Variants in LRRTM4 observed in about 807,000 individuals in gnomAD.
LRRTM4 encodes leucine rich repeat transmembrane neuronal 4.
LRRTM4 carries 25 observed loss-of-function variants against 47.6 expected under a neutral mutation model. The ratio of observed to expected loss-of-function variants is 0.53; its 90% CI spans 0.38 to 0.73. LRRTM4 has a LOEUF of 0.73. Among genes scored for constraint, LRRTM4 ranks in the 30% least tolerant of loss-of-function variants. The pLI, the probability that LRRTM4 is intolerant of heterozygous loss-of-function variation, is 0.00. For synonymous variants in LRRTM4, 311 were observed against 269.5 expected (o/e 1.15, Z -1.51); for missense variants, 638 against 713.4 (o/e 0.89, Z 1.20).
At chr2:77,201,265 T>G (rs183289288) in intron 3 of LRRTM4, among the ~76,000 whole-genome samples, 1 of 152,186 alleles carries the variant, frequency 6.6e-6, no homozygotes, top group Non-Finnish European at 1.5e-5. Flanking sequence ...CTGCAAAGTA[T>G]ATTTTATAAT....
chr2:77,385,487 G>A (rs1673224446), intron 3 of LRRTM4, among the ~76,000 whole-genome samples: 1 of 152,088 alleles, frequency 6.6e-6, no homozygotes. Context: ...AATTAACCCA[G>A]TCACTGACTA....
intron 3 of LRRTM4, among the ~76,000 whole-genome samples, chr2:77,183,101 A>G (rs959466224): frequency 1.3e-5 from 2 of 152,122 alleles, no homozygotes; most frequent in African/African-American, 4.8e-5. Flanking sequence ...AATTAAACTA[A>G]AGAGCTTCTG....
intron 3 of LRRTM4, among the ~76,000 whole-genome samples, chr2:77,046,014 C>T (rs907593934): frequency 6.6e-6 from 1 of 151,848 alleles, no homozygotes; most frequent in Non-Finnish European, 1.5e-5. Flanking sequence ...TATTAACTTG[C>T]TAGAGAAACC....
At chr2:76,871,711 G>A (rs1672628986) in intron 3 of LRRTM4, among the ~76,000 whole-genome samples, 1 of 152,154 alleles carries the variant, frequency 6.6e-6, no homozygotes, top group African/African-American at 2.4e-5. Flanking sequence ...CTGTGTTGCT[G>A]TATTACATAC....
At chr2:77,033,194 T>A (rs1678721345) in intron 3 of LRRTM4, among the ~76,000 whole-genome samples, 1 of 152,040 alleles carries the variant, frequency 6.6e-6, no homozygotes, top group South Asian at 2.1e-4. Context: ...GATTGTAATC[T>A]ATTCAGTATT....
At chr2:76,915,805 A>G (rs1674222932) in intron 3 of LRRTM4, among the ~76,000 whole-genome samples, 2 of 152,196 alleles carry the variant, frequency 1.3e-5, no homozygotes, top group South Asian at 4.1e-4. Context: ...AAGAAAGTGA[A>G]GAAAATTATA....
chr2:77,012,714 T>G (rs1221524251), intron 3 of LRRTM4, among the ~76,000 whole-genome samples: 1 of 152,172 alleles, frequency 6.6e-6, no homozygotes, highest in African/African-American at 2.4e-5. Context: ...ACTCTGTGAT[T>G]ATGCAGCAAT....
At chr2:77,308,501 CAT>C (rs1677353536) in intron 3 of LRRTM4, among the ~76,000 whole-genome samples, 1 of 152,028 alleles carries the variant, frequency 6.6e-6, no homozygotes, top group South Asian at 2.1e-4. Context: ...TTTCTTTCCT[CAT>C]GTGAGTTTTG....
At chr2:77,059,136 A>C (rs1428202782) in intron 3 of LRRTM4, among the ~76,000 whole-genome samples, 1 of 152,128 alleles carries the variant, frequency 6.6e-6, no homozygotes, top group Non-Finnish European at 1.5e-5. Flanking sequence ...TCTGTAGCTA[A>C]ATTTATTCTT....
At chr2:77,313,521 G>GT (rs1677533118) in intron 3 of LRRTM4, among the ~76,000 whole-genome samples, 1 of 141,328 alleles carries the variant, frequency 7.1e-6, no homozygotes, top group South Asian at 2.3e-4. Context: ...TCCTCCCTAC[G>GT]TTTTCCTGGG....
At chr2:76,973,203 A>G (rs1410192804) in intron 3 of LRRTM4, among the ~76,000 whole-genome samples, 2 of 152,016 alleles carry the variant, frequency 1.3e-5, no homozygotes, top group South Asian at 2.1e-4. Flanking sequence ...CTGAATTACC[A>G]TGATTAGAAT....
intron 3 of LRRTM4, among the ~76,000 whole-genome samples, chr2:76,981,593 C>T (rs1345809420): frequency 6.6e-6 from 1 of 151,988 alleles, no homozygotes; most frequent in East Asian, 1.9e-4. Context: ...CTCCTGGGCT[C>T]AAGGCACCTC....
chr2:76,818,490 A>G (rs1670963361), intron 3 of LRRTM4, among the ~76,000 whole-genome samples: 1 of 151,902 alleles, frequency 6.6e-6, no homozygotes, highest in Non-Finnish European at 1.5e-5. Context: ...TCCTGGAGTG[A>G]GCAAATGCTT....
At chr2:77,245,458 C>T (rs1033707201) in intron 3 of LRRTM4, among the ~76,000 whole-genome samples, 19 of 141,286 alleles carry the variant, frequency 1.3e-4, no homozygotes, top group African/African-American at 4.8e-4. Context: ...TTCAAGGCTG[C>T]AGTAAGCAGT....
At chr2:77,350,847 A>C (rs185063699) in intron 3 of LRRTM4, among the ~76,000 whole-genome samples, 3 of 152,332 alleles carry the variant, frequency 2.0e-5, no homozygotes, top group Non-Finnish European at 4.4e-5. Flanking sequence ...CCATGTATAA[A>C]AGACTTCACT....
intron 3 of LRRTM4, among the ~76,000 whole-genome samples, chr2:76,841,670 A>G (rs1227930130): frequency 1.3e-5 from 2 of 150,170 alleles, no homozygotes; most frequent in Non-Finnish European, 3.0e-5. Context: ...TGGAGAAAAA[A>G]AAAAAAAACT....
intron 3 of LRRTM4, among the ~76,000 whole-genome samples, chr2:77,027,208 T>C (rs1279389523): frequency 1.3e-5 from 2 of 152,160 alleles, no homozygotes; most frequent in Admixed American, 1.3e-4. Flanking sequence ...TTTATTTACA[T>C]GCCTCTTCAT....
At chr2:77,041,931 G>GAC (rs57464968) in intron 3 of LRRTM4, among the ~76,000 whole-genome samples, 80,502 of 150,404 alleles carry the variant, frequency 0.54, 24,074 homozygotes, top group African/African-American at 0.81. Context: ...GGAATAAAGA[G>GAC]AATCATCTGA....
At chr2:77,456,069 C>A (rs1434895781) in intron 3 of LRRTM4, among the ~76,000 whole-genome samples, 2 of 152,118 alleles carry the variant, frequency 1.3e-5, no homozygotes, top group East Asian at 1.9e-4. Context: ...ACCTTGAGCT[C>A]TTTCATCAAA....
Sources: allele counts gnomAD v4.1 joint callset (sites outside exome capture counted in the v4.1 genomes callset), GRCh38; gene constraint gnomAD v4.1.1; transcripts MANE v1.5; gene names NCBI Gene and HGNC (gene_info 2026-07-23, HGNC 2026-07-21).